The following DOCK10 variants were observed in gnomAD, a reference collection of about 807,000 sequenced individuals.
DOCK10 encodes dedicator of cytokinesis 10.
DOCK10 carries 145 observed loss-of-function variants against 280.1 expected under a neutral mutation model. The observed-to-expected ratio is 0.52, with a 90% CI of 0.45 to 0.59. The LOEUF (loss-of-function observed/expected upper bound fraction) is 0.59. Ranked by LOEUF, DOCK10 falls within the 20% of genes least tolerant of loss-of-function variation. The pLI is 0.00. For missense variants in DOCK10, 2,368 were observed against 2,651.7 expected, an observed-to-expected ratio of 0.89 and a Z score of 2.35; for synonymous variants, 915 against 942.2, an observed-to-expected ratio of 0.97 and a Z score of 0.53.
chr2:224,929,057 A>G (rs1349608389), intron 2 of DOCK10, among the ~76,000 whole-genome samples: 1 of 152,232 alleles, frequency 6.6e-6, no homozygotes, highest in Non-Finnish European at 1.5e-5. Flanking sequence ...CTCAGAACTC[A>G]GCTTAAATGT....
chr2:224,907,858 G>A (rs1437373246), intron 3 of DOCK10, among the ~76,000 whole-genome samples: 1 of 152,146 alleles, frequency 6.6e-6, no homozygotes, highest in Non-Finnish European at 1.5e-5. Flanking sequence ...ACTACATTGT[G>A]CCTCTAGTTT....
intron 21 of DOCK10, among the ~76,000 whole-genome samples, 169 bp downstream of exon 21, chr2:224,845,034 A>G (rs1254717481): frequency 6.6e-6 from 1 of 152,252 alleles, no homozygotes; most frequent in Non-Finnish European, 1.5e-5. Flanking sequence ...TTTTTAACAT[A>G]TCATTTCCAG....
At position 224,798,020 on chromosome 2, in the gene DOCK10, T is replaced by C. The variant is rs1574838921; in HGVS notation, c.4507-51A>G. The C allele has an allele frequency of 3.8e-6, 6 of 1,563,340 alleles. No homozygotes were observed. In the East Asian group the frequency reaches 1.2e-4, roughly 30 times the overall value. ...CAGGATAAGTGAAAGAAAATTTTCA[T>C]TCTATCAAAAAATATTTATTGTGAA... On this transcript the variant is annotated intron_variant, in intron 41 of 55. Transcript: ENST00000258390.
At chr2:224,796,753 G>A (rs1692607186) in intron 43 of DOCK10, among the ~76,000 whole-genome samples, 1 of 152,152 alleles carries the variant, frequency 6.6e-6, no homozygotes. Flanking sequence ...CCTGGCAGAA[G>A]AAAGGAAAGT....
At chr2:224,851,823 G>T (rs1696763655) in intron 18 of DOCK10, among the ~76,000 whole-genome samples, 1 of 152,116 alleles carries the variant, frequency 6.6e-6, no homozygotes, top group Non-Finnish European at 1.5e-5. Flanking sequence ...TTGCAGCTTT[G>T]TAGAGTGAAA....
intron 1 of DOCK10, among the ~76,000 whole-genome samples, chr2:224,973,275 C>T (rs780197205): frequency 2.6e-5 from 4 of 152,128 alleles, no homozygotes; most frequent in Admixed American, 2.6e-4. Flanking sequence ...GTCCTAATCC[C>T]CAGAACCTGT....
intron 1 of DOCK10, among the ~76,000 whole-genome samples, chr2:225,014,298 A>C (rs1021218677): frequency 1.3e-5 from 2 of 151,946 alleles, no homozygotes; most frequent in South Asian, 2.1e-4. Context: ...GAGACAATGA[A>C]AAATTTTTGA....
intron 3 of DOCK10, among the ~76,000 whole-genome samples, chr2:224,907,761 T>A (rs1337092495): frequency 1.3e-5 from 2 of 151,298 alleles, no homozygotes; most frequent in African/African-American, 4.9e-5. Flanking sequence ...TCCTGGAGGG[T>A]TTAATATTTT....
intron 1 of DOCK10, among the ~76,000 whole-genome samples, chr2:224,943,761 C>CTTTT (rs67538456): frequency 1.4e-3 from 148 of 107,194 alleles, no homozygotes; most frequent in Non-Finnish European, 1.7e-3. Flanking sequence ...TTTTTCTTTT[C>CTTTT]TTTTTTTTTT....
intron 1 of DOCK10, among the ~76,000 whole-genome samples, chr2:225,006,476 T>C (rs1001529772): frequency 6.6e-6 from 1 of 152,206 alleles, no homozygotes; most frequent in African/African-American, 2.4e-5. Context: ...TTTTAGCCCC[T>C]GCCACTTTTT....
intron 7 of DOCK10, among the ~76,000 whole-genome samples, chr2:224,880,150 G>A (rs573495978): frequency 2.6e-5 from 4 of 152,118 alleles, no homozygotes; most frequent in East Asian, 1.9e-4. Context: ...TATGATTGCC[G>A]GCTTCAACAA....
At position 225,016,654 on chromosome 2, in the gene DOCK10, TACATA is replaced by T. The variant is rs1559963174; in HGVS notation, c.123+25593_123+25597del. Reference sequence around the variant, plus strand: ...ATACATATATCTATGTGCACATAGATACATAGATACATATATCTATGTGCACATAG... The same window carrying T: ...ATACATATATCTATGTGCACATAGATGATACATATATCTATGTGCACATAG... On this transcript the variant is annotated intron_variant, in intron 1 of 55. Coordinates refer to ENST00000258390, the MANE Select transcript of DOCK10 (RefSeq NM_014689.3). 4.3e-3 allele frequency among the ~76,000 whole-genome samples: 27 copies of T among 6,292 alleles called. 2 individuals carry two copies. Among genetic ancestry groups the T allele is most frequent in the African/African-American group, 0.019 (27 of 1,456 alleles). The allele number at this position is 6,292 out of a possible 152,430, so 4.1% of individuals were successfully genotyped here.
intron 1 of DOCK10, among the ~76,000 whole-genome samples, chr2:224,987,293 G>A (rs1411105431): frequency 6.6e-6 from 1 of 152,202 alleles, no homozygotes; most frequent in Admixed American, 6.5e-5. Context: ...GAAGTATTTA[G>A]GAACAATTTA....
chr2:224,793,843 G>GT (rs1015400133), intron 45 of DOCK10, among the ~76,000 whole-genome samples: 4 of 151,300 alleles, frequency 2.6e-5, no homozygotes, highest in Non-Finnish European at 4.4e-5. Flanking sequence ...TTCTAAATAA[G>GT]TTTTTTTTTA....
At chr2:224,782,128 C>A (rs752674920) in intron 50 of DOCK10, among the ~76,000 whole-genome samples, 7 of 152,130 alleles carry the variant, frequency 4.6e-5, no homozygotes, top group Non-Finnish European at 8.8e-5. Flanking sequence ...TTTAATTATA[C>A]AGTATAGATA....
chr2:224,880,285 A>G (rs1357175567), intron 7 of DOCK10, among the ~76,000 whole-genome samples: 1 of 152,208 alleles, frequency 6.6e-6, no homozygotes, highest in Non-Finnish European at 1.5e-5. Flanking sequence ...ACCTTCTTCT[A>G]TTTCAAGAGA....
rs1705008676 is a variant in DOCK10, at chr2:224,970,278, A to G, written c.124-38610T>C. 6.6e-6 allele frequency among the ~76,000 whole-genome samples: 1 copy of G among 152,212 alleles called. No individual in the cohort carries two copies. Among genetic ancestry groups the G allele is most frequent in the Non-Finnish European group, 1.5e-5 (1 of 68,024 alleles). On this transcript the variant is annotated intron_variant, in intron 1 of 55. Coordinates refer to ENST00000258390, the MANE Select transcript of DOCK10 (RefSeq NM_014689.3). This position sits in a 1 kb window ranked among gnomAD's most constrained non-coding sequence, Gnocchi z 4.6. ...AGATTAAAAAGAGGTGCAGTCCCTC[A>G]GTGATCCAGGCACTGTGATCAGTGT...
At chr2:224,944,265 G>A (rs1372552647) in intron 1 of DOCK10, among the ~76,000 whole-genome samples, 1 of 152,184 alleles carries the variant, frequency 6.6e-6, no homozygotes, top group African/African-American at 2.4e-5. Context: ...AGGTGGTTCT[G>A]TTACCAAAAA....
intron 50 of DOCK10, among the ~76,000 whole-genome samples, chr2:224,782,317 C>G (rs3768877): frequency 0.057 from 8,692 of 152,162 alleles, 295 homozygotes; most frequent in South Asian, 0.1. Flanking sequence ...GAATCTATGG[C>G]CTTTGGTGGA....
Sources: allele counts gnomAD v4.1 joint callset (sites outside exome capture counted in the v4.1 genomes callset), GRCh38; gene constraint gnomAD v4.1.1; non-coding constraint Gnocchi (gnomAD v3.1); transcripts MANE v1.5; gene names NCBI Gene and HGNC (gene_info 2026-07-23, HGNC 2026-07-21).